TDRKH: variants seen among roughly 807,000 people sequenced by gnomAD.
TDRKH encodes the protein tudor and KH domain-containing protein.
A neutral mutation model predicts 61.3 loss-of-function variants in TDRKH; 28 were observed. That is an observed-to-expected ratio of 0.46 (90% CI 0.34 to 0.63). The LOEUF is 0.63. Ranked by LOEUF, TDRKH falls within the 20% of genes least tolerant of loss-of-function variation. The probability of loss-of-function intolerance (pLI) is 0.01; values close to 1 mark genes in which losing one functional copy is unlikely to be tolerated. For missense variants in TDRKH, 540 were observed against 683.4 expected, an observed-to-expected ratio of 0.79 and a Z score of 2.34; for synonymous variants, 219 against 244.4, an observed-to-expected ratio of 0.90 and a Z score of 0.97.
At chr1:151,774,884 A>T in intron 11 of TDRKH, 78 bp from the exon 12 acceptor site, 2 of 1,521,596 alleles carry the variant, frequency 1.3e-6, no homozygotes, top group South Asian at 1.1e-5. Context: ...CATTCTTCTC[A>T]TAGGACCTGG....
intron 7 of TDRKH, 56 bp downstream of exon 7, chr1:151,776,383 G>T: frequency 6.2e-7 from 1 of 1,603,562 alleles, no homozygotes; most frequent in Non-Finnish European, 8.5e-7. Flanking sequence ...AGAGTACAAT[G>T]AAAAAGATAT....
At chr1:151,781,142 C>G (rs569336533) in intron 3 of TDRKH, among the ~76,000 whole-genome samples, 36 of 150,958 alleles carry the variant, frequency 2.4e-4, no homozygotes, top group African/African-American at 8.5e-4. Flanking sequence ...ATGACGAAAC[C>G]TCGTCTCCAC....
In TDRKH at chr1:151,782,943, G is replaced by A. The variant is rs1649976629; in HGVS notation, c.80C>T (p.Ala27Val). Residue 27 changes from alanine (A) to valine (V), a missense_variant, in exon 2 of 13, where the codon GCA becomes GTA. By Grantham distance (64) the Ala-to-Val change is moderately conservative (BLOSUM62 0). This residue lies in a region of TDRKH where 156 missense variants were observed against 218.0 expected (regional missense o/e 0.72). Transcript: ENST00000368824. ...GCGGTATAGGATATAGGCAACTGTTGCACTGGCTGGGATCCCAAGGCCCAG... is the reference window on the plus strand; with the variant it reads ...GCGGTATAGGATATAGGCAACTGTTACACTGGCTGGGATCCCAAGGCCCAG... ...IALGLGIPAS[A>V]TVAYILYRRY... The A allele has an allele frequency of 6.2e-7, 1 of 1,613,472 alleles. No individual in the cohort carries two copies. The highest frequency in any genetic ancestry group is 1.3e-5 in the African/African-American group (1 of 74,838).
At chr1:151,766,802 G>C (rs781658566), downstream of TDRKH, 1 of 1,600,566 alleles carries the variant, frequency 6.2e-7, no homozygotes, top group Admixed American at 1.7e-5. Flanking sequence ...ACCTCTACCC[G>C]ATCTGGTCAC....
chr1:151,779,985 A>G lies in TDRKH; in HGVS notation c.387T>C (p.Leu129=), dbSNP rs762060452. 3.1e-6 allele frequency: 5 copies of G among 1,613,930 alleles called. No homozygotes were observed. The South Asian group carries it at 5.5e-5, about 18-fold the overall frequency. ...LTENTPVSEQ[L]SVPQRSVGRI... is the part of the protein sequence containing the mutation. ...TGCCCACAGATCTCTGGGGAACTGA[A>G]AGCTGCTCAGACACTGGGGTATTCT... The change falls in exon 4 of 13, where the codon CTT becomes CTC. Residue 129 remains leucine, a synonymous_variant. Coordinates refer to ENST00000368824, the MANE Select transcript of TDRKH (RefSeq NM_001083965.2).
chr1:151,777,568 ATATT>A (rs1474311618), intron 6 of TDRKH, among the ~76,000 whole-genome samples: 2 of 152,122 alleles, frequency 1.3e-5, no homozygotes, highest in African/African-American at 4.8e-5. Context: ...ATTTAGAAAA[ATATT>A]TATGTTTAGT....
At chr1:151,783,388 T>C (rs1650020818) in intron 1 of TDRKH, among the ~76,000 whole-genome samples, 1 of 152,278 alleles carries the variant, frequency 6.6e-6, no homozygotes, top group Non-Finnish European at 1.5e-5. Flanking sequence ...AGTCCTTTTA[T>C]GCCTCCAGGG....
chr1:151,779,890 T>C, intron 4 of TDRKH, 61 bp downstream of exon 4: 1 of 1,508,164 alleles, frequency 6.6e-7, no homozygotes, highest in Non-Finnish European at 9.0e-7. Context: ...CCTGGGAAGG[T>C]GTGAAAGAGG....
In TDRKH at chr1:151,775,531, T is replaced by C; in HGVS notation, c.1295A>G (p.Glu432Gly). 5 of 1,613,042 alleles carry C rather than the reference T, an allele frequency of 3.1e-6. No homozygotes were observed. The highest frequency in any genetic ancestry group is 4.2e-6 in the Non-Finnish European group (5 of 1,179,606). Residue 432 changes from glutamate to glycine, a missense_variant, in exon 10 of 13, where the codon GAA (glutamate) becomes GGA (glycine). By Grantham distance (98) the Glu-to-Gly change is moderately conservative. Coordinates refer to ENST00000368824, the MANE Select transcript of TDRKH (RefSeq NM_001083965.2). ...ATCAAACTCATCCAAAGCTTCCTCT[T>C]CCCACTGGTCACCTGGCAAAAGATT... The part of the protein sequence containing the change: ...ARIAPSGDQW[E>G]EEALDEFDRL...
At chr1:151,781,744 G>A (rs2101607984) in intron 2 of TDRKH, among the ~76,000 whole-genome samples, 157 bp from the exon 3 acceptor site, 1 of 152,260 alleles carries the variant, frequency 6.6e-6, no homozygotes. Context: ...CATCTGAATG[G>A]GAATTAGAAG....
At chr1:151,780,215 CAAACCCTGGAGGTAGATAGA>C (rs1649614943) in intron 3 of TDRKH, 75 bp from the exon 4 acceptor site, 1 of 1,504,728 alleles carries the variant, frequency 6.6e-7, no homozygotes, top group Admixed American at 1.8e-5. Context: ...CACTCTAAAA[CAAACCCTGGAGGTAGATAGA>C]ATTAGCCAAA....
At position 151,776,455 on chromosome 1, in the gene TDRKH, T is replaced by C; in HGVS notation, c.1028A>G (p.His343Arg). Residue 343 changes from histidine (H) to arginine (R), a missense_variant, in exon 7 of 13, where the codon CAC becomes CGC. Physicochemically the swap from His to Arg is conservative, Grantham distance 29 (BLOSUM62 0). Transcript: ENST00000368824. ...LDKLVNEMTQ[H>R]YENSVPEDLT... ...GCAACTCACCACACTATTCTCATAG[T>C]GCTGGGTCATCTCATTGACAAGCTT... The C allele has an allele frequency of 6.2e-7, 1 of 1,614,242 alleles. No homozygotes were observed. The highest frequency in any genetic ancestry group is 1.3e-5 in the African/African-American group (1 of 75,062).
intron 4 of TDRKH, 94 bp downstream of exon 4, chr1:151,779,857 A>C: frequency 7.5e-7 from 1 of 1,329,686 alleles, no homozygotes; most frequent in Non-Finnish European, 1.0e-6. Context: ...CACATGGTGA[A>C]GGGGAACTAG....
chr1:151,766,895 G>C, downstream of TDRKH: 1 of 1,593,838 alleles, frequency 6.3e-7, no homozygotes, highest in Non-Finnish European at 8.6e-7. Context: ...AAAGGTACTT[G>C]TTTTCATCTC....
At chr1:151,781,651 T>A in intron 2 of TDRKH, 64 bp from the exon 3 acceptor site, 1 of 1,425,814 alleles carries the variant, frequency 7.0e-7, no homozygotes. Context: ...TAACTACCAG[T>A]CCTCCCCAGA....
chr1:151,789,109 A>C (rs1650637977), intron 1 of TDRKH, among the ~76,000 whole-genome samples: 1 of 152,174 alleles, frequency 6.6e-6, no homozygotes, highest in African/African-American at 2.4e-5. Context: ...GAATGCAGTG[A>C]ATGATAATAG....
At chr1:151,766,619 C>T, downstream of TDRKH, 1 of 1,363,926 alleles carries the variant, frequency 7.3e-7, no homozygotes, top group East Asian at 2.5e-5. Flanking sequence ...ACCCCTTATC[C>T]ATGTCATAGT....
downstream of TDRKH, among the ~76,000 whole-genome samples, chr1:151,767,708 GA>G (rs1471739646): frequency 1.3e-5 from 2 of 152,164 alleles, no homozygotes; most frequent in Non-Finnish European, 2.9e-5. Flanking sequence ...CCCATATAAT[GA>G]AAAAAGTGGA....
intron 6 of TDRKH, 92 bp downstream of exon 6, chr1:151,778,593 T>C: frequency 6.3e-7 from 1 of 1,591,570 alleles, no homozygotes; most frequent in Non-Finnish European, 8.6e-7. Flanking sequence ...TACTGGCTGC[T>C]CAGACTGAGA....
Sources: allele counts gnomAD v4.1 joint callset (sites outside exome capture counted in the v4.1 genomes callset), GRCh38; gene constraint gnomAD v4.1.1; regional missense constraint gnomAD v4.1.1; transcripts MANE v1.5; gene names NCBI Gene and HGNC (gene_info 2026-07-23, HGNC 2026-07-21).